The following CFHR5 variants were observed in gnomAD, a reference collection of about 807,000 sequenced individuals.
The protein encoded by CFHR5 is complement factor H related 5, also known as complement factor H-related protein 5.
In CFHR5, 73 loss-of-function variants were observed where a neutral mutation model predicts 62.9. That is an observed-to-expected ratio of 1.16 (90% CI 0.96 to 1.41). The LOEUF (loss-of-function observed/expected upper bound fraction) is 1.41. CFHR5 is among the 40% of genes most tolerant of loss of function. The pLI, the probability that CFHR5 is intolerant of heterozygous loss-of-function variation, is 0.00. For missense variants in CFHR5, 779 were observed against 679.9 expected, an observed-to-expected ratio of 1.15 and a Z score of -1.62; for synonymous variants, 249 against 227.2, an observed-to-expected ratio of 1.10 and a Z score of -0.86.
chr1:196,977,085 G>A (rs941003259), upstream of CFHR5, among the ~76,000 whole-genome samples: 3 of 151,938 alleles, frequency 2.0e-5, no homozygotes, highest in Admixed American at 2.0e-4. Context: ...GGGATTACAG[G>A]CTTGAGCCAT....
At position 196,977,663 on chromosome 1, in the gene CFHR5, G is replaced by T. The variant is rs531047040; in HGVS notation, c.-2G>T. 1 of 1,611,592 alleles carries T rather than the reference G, an allele frequency of 6.2e-7. No homozygotes were observed. Among genetic ancestry groups the T allele is most frequent in the Admixed American group, 1.7e-5 (1 of 60,016 alleles). On this transcript the variant is annotated 5_prime_UTR_variant, in exon 1 of 10. Coordinates refer to ENST00000256785, the MANE Select transcript of CFHR5 (RefSeq NM_030787.4). ...AGTTATATACGATTGAGACTACCAA[G>T]CATGTTGCTCTTATTCAGTGTAATC...
chr1:196,987,491 T>A (rs948327944), intron 3 of CFHR5, among the ~76,000 whole-genome samples: 2 of 152,212 alleles, frequency 1.3e-5, no homozygotes, highest in African/African-American at 4.8e-5. Flanking sequence ...TTTTATGGTT[T>A]TTAGGTCTAA....
At chr1:196,989,879 A>G (rs1653795637) in intron 3 of CFHR5, among the ~76,000 whole-genome samples, 1 of 152,166 alleles carries the variant, frequency 6.6e-6, no homozygotes, top group Non-Finnish European at 1.5e-5. Flanking sequence ...GTAGATGTCT[A>G]TTAGGTCCGC....
intron 4 of CFHR5, 122 bp from the exon 5 acceptor site, chr1:196,995,593 CAT>C (rs780098144): frequency 1.7e-5 from 13 of 782,844 alleles, no homozygotes; most frequent in East Asian, 7.8e-5. Flanking sequence ...GCAAAAAACA[CAT>C]GTCCCCAAAA....
chr1:197,001,225 G>A (rs1374614157), intron 7 of CFHR5, among the ~76,000 whole-genome samples: 1 of 152,060 alleles, frequency 6.6e-6, no homozygotes, highest in East Asian at 1.9e-4. Context: ...CCCAGTCCCA[G>A]ATATCTATCT....
chr1:196,993,789 T>A (rs1184894325), intron 3 of CFHR5, among the ~76,000 whole-genome samples: 1 of 152,172 alleles, frequency 6.6e-6, no homozygotes, highest in Non-Finnish European at 1.5e-5. Context: ...TATTGCTAAT[T>A]AAACAAATTA....
At chr1:197,001,659 G>A (rs368639184) in intron 7 of CFHR5, among the ~76,000 whole-genome samples, 4 of 151,312 alleles carry the variant, frequency 2.6e-5, no homozygotes, top group East Asian at 2.0e-4. Flanking sequence ...CCATTAACTC[G>A]TCATTTAGCA....
chr1:196,979,253 T>A (rs1047527091), intron 1 of CFHR5, among the ~76,000 whole-genome samples: 1 of 113,974 alleles, frequency 8.8e-6, no homozygotes, highest in Non-Finnish European at 1.7e-5. Context: ...TATAGGTAAT[T>A]GTCTGTGTGT....
chr1:196,979,564 G>A (rs1009932418), intron 1 of CFHR5, among the ~76,000 whole-genome samples: 1 of 152,028 alleles, frequency 6.6e-6, no homozygotes, highest in African/African-American at 2.4e-5. Flanking sequence ...ATTAAGAATG[G>A]CAGACTTGTA....
chr1:197,003,427 T>G (rs1321440366), intron 8 of CFHR5, among the ~76,000 whole-genome samples: 1 of 152,128 alleles, frequency 6.6e-6, no homozygotes, highest in Non-Finnish European at 1.5e-5. Flanking sequence ...TTGTGTAGGC[T>G]CACTCCATGA....
At position 196,984,058 on chromosome 1, in the gene CFHR5, A is replaced by T. The variant is rs1653616605; in HGVS notation, c.351A>T (p.Gly117=). Reference sequence around the variant, plus strand: ...CTGTACAAATTATTTGCAACACAGGATACAGCCTTCAAAACAATGAGAAAA... The same window carrying T: ...CTGTACAAATTATTTGCAACACAGGTTACAGCCTTCAAAACAATGAGAAAA... ...GDTVQIICNT[G]YSLQNNEKNI... Residue 117 remains glycine (G), a synonymous_variant, in exon 3 of 10, where the codon GGA becomes GGT. Coordinates refer to ENST00000256785, the MANE Select transcript of CFHR5 (RefSeq NM_030787.4). 1 of 1,613,610 alleles carries T rather than the reference A, an allele frequency of 6.2e-7. No homozygotes were observed. Among genetic ancestry groups the T allele is most frequent in the African/African-American group, 1.3e-5 (1 of 74,922 alleles).
chr1:196,989,631 G>C (rs1281386317), intron 3 of CFHR5, among the ~76,000 whole-genome samples: 1 of 151,762 alleles, frequency 6.6e-6, no homozygotes, highest in Non-Finnish European at 1.5e-5. Flanking sequence ...TTATTTACCT[G>C]GTAGTCATTC....
intron 3 of CFHR5, among the ~76,000 whole-genome samples, chr1:196,989,502 C>T (rs1653783914): frequency 6.6e-6 from 1 of 152,060 alleles, no homozygotes; most frequent in South Asian, 2.1e-4. Flanking sequence ...CTCTTGTGGT[C>T]ATTTAGTACT....
rs759969004 is a variant in CFHR5, at chr1:196,996,050, T to A, written c.819T>A (p.Pro273=). The change falls in exon 6 of 10, where the codon CCT becomes CCA. Residue 273 remains proline (P), a synonymous_variant. Transcript: ENST00000256785. ...AAGTGAAAACATGTGGATACATACC[T>A]GAACTCGAGTACGGTTATGTTCAGC... The part of the protein sequence containing the change: ...VEQVKTCGYI[P]ELEYGYVQPS... 2.3e-5 allele frequency: 37 copies of A among 1,613,824 alleles called. No homozygotes were observed. The Admixed American group carries it at 5.7e-4, about 25-fold the overall frequency.
rs546653826 is a variant in CFHR5, at chr1:196,978,492, G to T, written c.58+770G>T. The stretch of plus-strand genomic sequence containing the variant: ...TCAATCATTGTGCTATATACTCTTT[G>T]ATTTCCAGAAAGTTTTTATTTTACT... On this transcript the variant is annotated intron_variant, in intron 1 of 9. Coordinates refer to ENST00000256785, the MANE Select transcript of CFHR5 (RefSeq NM_030787.4). Among the ~76,000 whole-genome samples the T allele has an allele frequency of 1.0e-3, 152 of 152,160 alleles. 2 individuals carry two copies. Among genetic ancestry groups the T allele is most frequent in the Admixed American group, 2.0e-3 (31 of 15,282 alleles).
At chr1:196,983,442 C>T (rs1242349066) in intron 2 of CFHR5, among the ~76,000 whole-genome samples, 1 of 152,098 alleles carries the variant, frequency 6.6e-6, no homozygotes, top group Admixed American at 6.6e-5. Context: ...ATTTACCGTT[C>T]TCTTGCATAT....
Position 197,008,767 on chromosome 1 carries a change from T to C in CFHR5, c.*84T>C. On this transcript the variant is annotated 3_prime_UTR_variant, in exon 10 of 10. Transcript: ENST00000256785. ...ATTATGTAGCCAATTCTGTAGTTACTTCTTTTATTCTTTCAGGTGTTGTTT... is the reference window on the plus strand; with the variant it reads ...ATTATGTAGCCAATTCTGTAGTTACCTCTTTTATTCTTTCAGGTGTTGTTT... The C allele has an allele frequency of 1.8e-6, 2 of 1,083,084 alleles. No homozygotes were observed. Among genetic ancestry groups the C allele is most frequent in the Non-Finnish European group, 2.8e-6 (2 of 706,566 alleles). The allele number at this position is 1,083,084 out of a possible 1,614,324, so 67.1% of individuals were successfully genotyped here.
At chr1:197,002,811 TA>T (rs1004580894) in intron 8 of CFHR5, 147 bp downstream of exon 8, 1 of 676,492 alleles carries the variant, frequency 1.5e-6, no homozygotes, top group African/African-American at 1.8e-5. Context: ...TTCTGTCATT[TA>T]AAAAAGTTTC....
chr1:197,006,144 A>G (rs1298345058), intron 9 of CFHR5, among the ~76,000 whole-genome samples: 2 of 152,206 alleles, frequency 1.3e-5, no homozygotes, highest in South Asian at 2.1e-4. Flanking sequence ...CAGTGATCAT[A>G]AAATAAATTT....
Sources: allele counts gnomAD v4.1 joint callset (sites outside exome capture counted in the v4.1 genomes callset), GRCh38; gene constraint gnomAD v4.1.1; transcripts MANE v1.5; gene names NCBI Gene and HGNC (gene_info 2026-07-23, HGNC 2026-07-21).